RHBDD1: variants seen among roughly 807,000 people sequenced by gnomAD.
The protein encoded by RHBDD1 is rhomboid-related protein 4.
A neutral mutation model predicts 36.3 loss-of-function variants in RHBDD1; 38 were observed. The ratio of observed to expected loss-of-function variants is 1.05; its 90% CI spans 0.81 to 1.37. The LOEUF is 1.37. Ranked by LOEUF, RHBDD1 falls within the 40% of genes most tolerant of loss-of-function variation. The pLI is 0.00. For synonymous variants in RHBDD1, 151 were observed against 136.5 expected (o/e 1.11, Z -0.74); for missense variants, 393 against 377.6 (o/e 1.04, Z -0.34).
intron 3 of RHBDD1, among the ~76,000 whole-genome samples, chr2:226,846,465 C>T (rs1227372345): frequency 2.6e-5 from 4 of 151,960 alleles, no homozygotes; most frequent in Admixed American, 6.6e-5. Context: ...AAGTGTAGGC[C>T]GCGTACAGTG....
Position 226,864,616 on chromosome 2 carries a change from G to A in RHBDD1, c.-78G>A, listed in dbSNP as rs1944162848. On this transcript the variant is annotated 5_prime_UTR_variant, in exon 4 of 9. Transcript: ENST00000392062. Reference sequence around the variant, plus strand: ...TTTTGTGTTTTAGGTTCAGCCGTCTGTATATCTCCCCAGATACCTGAAACT... The same window carrying A: ...TTTTGTGTTTTAGGTTCAGCCGTCTATATATCTCCCCAGATACCTGAAACT... The A allele has an allele frequency of 2.6e-6, 3 of 1,171,478 alleles. No homozygotes were observed. Among genetic ancestry groups the A allele is most frequent in the Admixed American group, 2.0e-5 (1 of 49,526 alleles). 72.6% of individuals were successfully genotyped at this position (1,171,478 alleles called of 1,614,324 possible).
At chr2:226,886,093 T>C (rs1946178756) in intron 5 of RHBDD1, among the ~76,000 whole-genome samples, 1 of 152,210 alleles carries the variant, frequency 6.6e-6, no homozygotes, top group Non-Finnish European at 1.5e-5. Flanking sequence ...TGTGGGTAAC[T>C]GAAACCGTGG....
chr2:226,921,253 C>A (rs997184118), intron 8 of RHBDD1, among the ~76,000 whole-genome samples: 5 of 151,962 alleles, frequency 3.3e-5, no homozygotes, highest in South Asian at 2.1e-4. Flanking sequence ...TTTTTCTTAG[C>A]CTGACTAAAG....
chr2:226,841,423 C>T (rs1383585003), intron 3 of RHBDD1, among the ~76,000 whole-genome samples: 1 of 152,128 alleles, frequency 6.6e-6, no homozygotes, highest in African/African-American at 2.4e-5. Flanking sequence ...GTATTAAGCC[C>T]CACATCCATT....
chr2:226,986,989 A>G (rs1335505496), intron 8 of RHBDD1, among the ~76,000 whole-genome samples: 2 of 152,260 alleles, frequency 1.3e-5, no homozygotes, highest in South Asian at 4.1e-4. Context: ...ATGGAATACT[A>G]TGCAGCCATA....
intron 8 of RHBDD1, among the ~76,000 whole-genome samples, chr2:226,976,920 T>C (rs866384917): frequency 2.0e-5 from 3 of 152,312 alleles, no homozygotes; most frequent in African/African-American, 2.4e-5. Context: ...CCTCCTCCCA[T>C]TGAAAGAGCC....
intron 5 of RHBDD1, among the ~76,000 whole-genome samples, chr2:226,893,160 A>C (rs763825535): frequency 1.1e-4 from 16 of 152,180 alleles, no homozygotes; most frequent in Non-Finnish European, 2.4e-4. Context: ...TCCATCTACC[A>C]TAGGGCCATG....
the RHBDD1 span, among the ~76,000 whole-genome samples, chr2:226,815,659 A>G: frequency 2.0e-5 from 3 of 152,216 alleles, no homozygotes; most frequent in African/African-American, 4.8e-5. Flanking sequence ...TGCCATTTCT[A>G]TTCCAGTCCA....
At chr2:226,992,967 C>T (rs1218896730) in intron 8 of RHBDD1, among the ~76,000 whole-genome samples, 1 of 152,144 alleles carries the variant, frequency 6.6e-6, no homozygotes, top group Non-Finnish European at 1.5e-5. Context: ...CTTGAAAGGG[C>T]TTTATAAAGA....
In RHBDD1 at chr2:226,995,648, G is replaced by C. The variant is rs575165573; in HGVS notation, c.*126G>C. 1.4e-6 allele frequency: 1 copy of C among 703,622 alleles called. No individual in the cohort carries two copies. The highest frequency in any genetic ancestry group is 2.5e-6 in the Non-Finnish European group (1 of 398,352). 43.6% of individuals were successfully genotyped at this position (703,622 alleles called of 1,614,324 possible). A position where few individuals can be genotyped will look rare whatever the true frequency, so the allele number is the denominator to read the frequency against. Reference sequence around the variant, plus strand: ...GAGTACACCGGTATTGCTCCAGATCGCTCACATCACCTGGGACAGTCCCAT... The same window carrying C: ...GAGTACACCGGTATTGCTCCAGATCCCTCACATCACCTGGGACAGTCCCAT... On this transcript the variant is annotated 3_prime_UTR_variant, in exon 9 of 9. Coordinates refer to ENST00000392062, the MANE Select transcript of RHBDD1 (RefSeq NM_001167608.3).
chr2:226,934,111 G>A (rs773770967), intron 8 of RHBDD1, among the ~76,000 whole-genome samples: 26 of 151,964 alleles, frequency 1.7e-4, no homozygotes, highest in Admixed American at 3.3e-4. Context: ...ATAATGTTTC[G>A]CTCAGCAACA....
At chr2:226,861,485 T>G (rs1040329720) in intron 3 of RHBDD1, among the ~76,000 whole-genome samples, 1 of 152,226 alleles carries the variant, frequency 6.6e-6, no homozygotes, top group African/African-American at 2.4e-5. Context: ...TTATCTATAT[T>G]CTTCATTACT....
At chr2:226,978,261 C>T (rs1954942694) in intron 8 of RHBDD1, among the ~76,000 whole-genome samples, 1 of 152,158 alleles carries the variant, frequency 6.6e-6, no homozygotes, top group Non-Finnish European at 1.5e-5. Flanking sequence ...TCAATTTGTA[C>T]TCTTTTTTCT....
At position 226,997,339 on chromosome 2, in the gene RHBDD1, T is replaced by G. The variant is rs1959652221; in HGVS notation, c.*1817T>G. The G allele has an allele frequency of 6.6e-6, 1 of 152,240 alleles. No individual in the cohort carries two copies. The highest frequency in any genetic ancestry group is 1.5e-5 in the Non-Finnish European group (1 of 68,048). The allele number at this position is 152,240 out of a possible 1,614,324, so 9.4% of individuals were successfully genotyped here. ...CCCGTTACCCCAATTAGAAGTAACT[T>G]CTTTGTTTCATGCCACTTTTATAGC... On this transcript the variant is annotated 3_prime_UTR_variant, in exon 9 of 9. Transcript: ENST00000392062.
intron 8 of RHBDD1, among the ~76,000 whole-genome samples, chr2:226,977,905 GA>G (rs989255303): frequency 3.3e-5 from 5 of 152,176 alleles, no homozygotes; most frequent in African/African-American, 4.8e-5. Context: ...ACGTAAATTT[GA>G]ACAATGTGGT....
At chr2:226,899,650 A>G (rs1328572753) in intron 5 of RHBDD1, among the ~76,000 whole-genome samples, 1 of 152,338 alleles carries the variant, frequency 6.6e-6, no homozygotes, top group South Asian at 2.1e-4. Flanking sequence ...AAAAAGACAG[A>G]TTGCCTACAG....
At chr2:226,906,683 A>G in intron 5 of RHBDD1, 110 bp from the exon 6 acceptor site, 1 of 1,580,184 alleles carries the variant, frequency 6.3e-7, no homozygotes, top group Non-Finnish European at 8.6e-7. Context: ...TTGATGTGGA[A>G]CAAAGCCTGC....
At chr2:226,824,242 T>G in the RHBDD1 span, among the ~76,000 whole-genome samples, 1 of 152,152 alleles carries the variant, frequency 6.6e-6, no homozygotes, top group Non-Finnish European at 1.5e-5. Flanking sequence ...ACAAGAATTC[T>G]CTGTACTATT....
At chr2:226,821,728 T>G in the RHBDD1 span, among the ~76,000 whole-genome samples, 1 of 152,098 alleles carries the variant, frequency 6.6e-6, no homozygotes, top group Non-Finnish European at 1.5e-5. Flanking sequence ...CTATAAAAGT[T>G]TTAATAAAAT....
Sources: allele counts gnomAD v4.1 joint callset (sites outside exome capture counted in the v4.1 genomes callset), GRCh38; gene constraint gnomAD v4.1.1; transcripts MANE v1.5; gene names NCBI Gene and HGNC (gene_info 2026-07-23, HGNC 2026-07-21).